The following COL4A2 variants were observed in gnomAD, a reference collection of about 807,000 sequenced individuals.
COL4A2 encodes the protein collagen type IV alpha 2 chain.
A neutral mutation model predicts 200.2 loss-of-function variants in COL4A2; 99 were observed. The ratio of observed to expected loss-of-function variants is 0.49; its 90% CI spans 0.42 to 0.58. COL4A2 has a LOEUF of 0.58. Ranked by LOEUF, COL4A2 falls within the 20% of genes least tolerant of loss-of-function variation. COL4A2 has a pLI of 0.00. For synonymous variants in COL4A2, 897 were observed against 900.6 expected, an observed-to-expected ratio of 1.00 and a Z score of 0.07; for missense variants, 1,950 against 2,314.1, an observed-to-expected ratio of 0.84 and a Z score of 3.23.
intron 4 of COL4A2, among the ~76,000 whole-genome samples, chr13:110,393,731 T>C (rs1879081051): frequency 6.6e-6 from 1 of 151,730 alleles, no homozygotes; most frequent in African/African-American, 2.4e-5. Context: ...ATATAAAAAA[T>C]AGACGGGCGT....
At chr13:110,385,358 T>G (rs997505438) in intron 4 of COL4A2, among the ~76,000 whole-genome samples, 2 of 152,150 alleles carry the variant, frequency 1.3e-5, no homozygotes, top group African/African-American at 4.8e-5. Flanking sequence ...ATCCTGGACT[T>G]CTGTGTCTGC....
rs1461329843 is a variant in COL4A2, at chr13:110,469,327, G to A, written c.2203+3G>A. 2.5e-6 allele frequency: 4 copies of A among 1,572,498 alleles called. No individual in the cohort carries two copies. Among genetic ancestry groups the A allele is most frequent in the African/African-American group, 1.3e-5 (1 of 74,200 alleles). ...TGAAGGGTTCCCAGGACCCCCAGGTGAGTTGAGATCAGACCCCCATTCAGC... is the reference window on the plus strand; with the variant it reads ...TGAAGGGTTCCCAGGACCCCCAGGTAAGTTGAGATCAGACCCCCATTCAGC... On this transcript the variant is annotated splice_donor_region_variant and intron_variant, in intron 28 of 47. Coordinates refer to ENST00000360467, the MANE Select transcript of COL4A2 (RefSeq NM_001846.4).
intron 4 of COL4A2, among the ~76,000 whole-genome samples, chr13:110,412,645 C>T (rs1432307323): frequency 6.6e-6 from 1 of 152,228 alleles, no homozygotes; most frequent in Non-Finnish European, 1.5e-5. Flanking sequence ...ATAACCTTTA[C>T]GCCCCTGAGT....
chr13:110,420,360 T>C (rs903862700), intron 4 of COL4A2, among the ~76,000 whole-genome samples: 5 of 152,186 alleles, frequency 3.3e-5, no homozygotes, highest in Non-Finnish European at 7.4e-5. Context: ...TCAACGATAC[T>C]GTTCATTATC....
chr13:110,320,195 C>G lies in COL4A2; in HGVS notation c.99+12072C>G, dbSNP rs1471364510. Among the ~76,000 whole-genome samples the G allele has an allele frequency of 3.9e-5, 6 of 152,202 alleles. No individual in the cohort carries two copies. In the South Asian group the frequency reaches 1.2e-3, roughly 32 times the overall value. Reference sequence around the variant, plus strand: ...GCAGCCGCACAACCCAGGAACAGTCCTAACCCATTACATAAGGTGGCTAGG... The same window carrying G: ...GCAGCCGCACAACCCAGGAACAGTCGTAACCCATTACATAAGGTGGCTAGG... On this transcript the variant is annotated intron_variant, in intron 3 of 47. Coordinates refer to ENST00000360467, the MANE Select transcript of COL4A2 (RefSeq NM_001846.4).
chr13:110,475,724 C>T (rs1175650634), intron 29 of COL4A2, among the ~76,000 whole-genome samples: 5 of 152,222 alleles, frequency 3.3e-5, no homozygotes, highest in Admixed American at 3.3e-4. Context: ...TGCTTCCATT[C>T]GACTGGCTGT....
Position 110,480,216 on chromosome 13 carries a change from A to T in COL4A2, c.2588-4A>T. On this transcript the variant is annotated splice_polypyrimidine_tract_variant and splice_region_variant and intron_variant, in intron 30 of 47. Coordinates refer to ENST00000360467, the MANE Select transcript of COL4A2 (RefSeq NM_001846.4). ...CCTGTTTGATTTGCTCCTCTTCCTGACAGGTCTGCCTGGTGATAGAGGGGA... is the reference window on the plus strand; with the variant it reads ...CCTGTTTGATTTGCTCCTCTTCCTGTCAGGTCTGCCTGGTGATAGAGGGGA... 1 of 1,586,280 alleles carries T rather than the reference A, an allele frequency of 6.3e-7. No individual in the cohort carries two copies. The highest frequency in any genetic ancestry group is 8.6e-7 in the Non-Finnish European group (1 of 1,169,506).
At chr13:110,477,490 A>G (rs183837411) in intron 29 of COL4A2, among the ~76,000 whole-genome samples, 81 of 152,378 alleles carry the variant, frequency 5.3e-4, no homozygotes, top group Admixed American at 1.1e-3. Context: ...AGTTTCCTAA[A>G]GAAATTACCT....
At chr13:110,477,918 A>G (rs41275116) in intron 29 of COL4A2, 85 bp from the exon 30 acceptor site, 1 of 1,271,438 alleles carries the variant, frequency 7.9e-7, no homozygotes. Flanking sequence ...TGCTCTTTTT[A>G]CAGAATGAGT....
At chr13:110,510,648 GTGTGTGTGCATGAGTGTACACCA>G (rs1884052957) in intron 47 of COL4A2, among the ~76,000 whole-genome samples, 2 of 119,812 alleles carry the variant, frequency 1.7e-5, no homozygotes, top group Non-Finnish European at 3.7e-5. Context: ...GCGTGCATTT[GTGTGTGTGCATGAGTGTACACCA>G]TGTGTGTGCA....
chr13:110,491,772 C>T (rs1490932209), intron 37 of COL4A2, among the ~76,000 whole-genome samples: 1 of 152,214 alleles, frequency 6.6e-6, no homozygotes, highest in Admixed American at 6.5e-5. Flanking sequence ...AGGCTCATCT[C>T]TCCAGGCACT....
chr13:110,447,913 C>A (rs1881391575), intron 18 of COL4A2, among the ~76,000 whole-genome samples: 1 of 152,206 alleles, frequency 6.6e-6, no homozygotes, highest in African/African-American at 2.4e-5. Context: ...AGCCCTCTGT[C>A]AGTTTAATAA....
chr13:110,318,934 G>A (rs1000728232), intron 3 of COL4A2, among the ~76,000 whole-genome samples: 2 of 152,032 alleles, frequency 1.3e-5, no homozygotes, highest in African/African-American at 4.8e-5. Context: ...ATTATGGGCA[G>A]GTTGGGGGTT....
intron 4 of COL4A2, among the ~76,000 whole-genome samples, chr13:110,363,645 G>A (rs1460413975): frequency 2.0e-5 from 3 of 152,288 alleles, no homozygotes; most frequent in East Asian, 1.9e-4. Flanking sequence ...GGTGCCCCAC[G>A]CAGATATGAA....
chr13:110,313,598 C>T (rs4000248), intron 3 of COL4A2, among the ~76,000 whole-genome samples: 136 of 402 alleles, frequency 0.34, 11 homozygotes, highest in East Asian at 0.53. Context: ...GGCAGGCTCC[C>T]ACCCCAGTGC....
At chr13:110,441,281 C>T (rs1019024556) in intron 16 of COL4A2, among the ~76,000 whole-genome samples, 45 of 152,264 alleles carry the variant, frequency 3.0e-4, no homozygotes, top group African/African-American at 7.7e-4. Context: ...GTGGGGGTTC[C>T]GCCATGCTTG....
chr13:110,491,995 C>T (rs1289736950), intron 37 of COL4A2, 75 bp from the exon 38 acceptor site: 107 of 1,333,954 alleles, frequency 8.0e-5, no homozygotes, highest in Non-Finnish European at 1.1e-4. Flanking sequence ...AGCGGCTGCC[C>T]CTCCTGCCAG....
chr13:110,510,640 G>C (rs984206148), intron 47 of COL4A2, among the ~76,000 whole-genome samples: 1 of 148,980 alleles, frequency 6.7e-6, no homozygotes, highest in Non-Finnish European at 1.5e-5. Context: ...GTGTACATGC[G>C]TGCATTTGTG....
intron 36 of COL4A2, 42 bp from the exon 37 acceptor site, chr13:110,491,191 C>G: frequency 7.1e-7 from 1 of 1,409,132 alleles, no homozygotes; most frequent in Non-Finnish European, 9.8e-7. Context: ...CCCACAGGGG[C>G]GCGGTGTCTG....
Sources: allele counts gnomAD v4.1 joint callset (sites outside exome capture counted in the v4.1 genomes callset), GRCh38; gene constraint gnomAD v4.1.1; transcripts MANE v1.5; gene names NCBI Gene and HGNC (gene_info 2026-07-23, HGNC 2026-07-21).